Variants in PHKB observed in about 807,000 individuals in gnomAD.
PHKB encodes the protein phosphorylase kinase regulatory subunit beta.
PHKB carries 122 observed loss-of-function variants against 152.1 expected under a neutral mutation model. That is an observed-to-expected ratio of 0.80 (90% CI 0.69 to 0.93). The LOEUF (loss-of-function observed/expected upper bound fraction) is 0.93, where lower values mean the gene tolerates loss of function less well. PHKB is among the 40% of genes least tolerant of loss of function. PHKB has a pLI of 0.00. For synonymous variants in PHKB, 436 were observed against 464.9 expected (o/e 0.94, Z 0.80); for missense variants, 1,304 against 1,328.4 (o/e 0.98, Z 0.29).
intron 14 of PHKB, among the ~76,000 whole-genome samples, chr16:47,638,950 A>G (rs1342106413): frequency 6.6e-6 from 1 of 152,228 alleles, no homozygotes; most frequent in African/African-American, 2.4e-5. Context: ...TTAGGAAATT[A>G]ACAGAGAGAC....
rs142891808 is a variant in PHKB, at chr16:47,660,669, T to C, written c.2046T>C (p.Phe682=). 1.2e-6 allele frequency: 2 copies of C among 1,613,994 alleles called. No homozygotes were observed. Among genetic ancestry groups the C allele is most frequent in the Non-Finnish European group, 1.7e-6 (2 of 1,179,990 alleles). Residue 682 remains phenylalanine, a synonymous_variant, in exon 22 of 31, where the codon TTT becomes TTC. Transcript: ENST00000323584. ...RISDTEELPE[F]KSFEELEPPK... ...TTTTAATTTTTAGGCTTCCAGAATTTAAGAGTTTTGAGGAACTAGAACCTC... is the reference window on the plus strand; with the variant it reads ...TTTTAATTTTTAGGCTTCCAGAATTCAAGAGTTTTGAGGAACTAGAACCTC...
intron 7 of PHKB, among the ~76,000 whole-genome samples, chr16:47,563,567 T>C (rs1971512223): frequency 6.6e-6 from 1 of 152,216 alleles, no homozygotes. Flanking sequence ...AGATGTGCTG[T>C]CATTCAGACT....
At chr16:47,571,617 C>T (rs890174741) in intron 7 of PHKB, among the ~76,000 whole-genome samples, 5 of 152,162 alleles carry the variant, frequency 3.3e-5, no homozygotes, top group African/African-American at 1.2e-4. Context: ...CCTCCCAAGG[C>T]GATGCAGTCA....
intron 6 of PHKB, among the ~76,000 whole-genome samples, chr16:47,524,321 G>C (rs1455530888): frequency 6.6e-6 from 1 of 152,086 alleles, no homozygotes; most frequent in Non-Finnish European, 1.5e-5. Flanking sequence ...CTGCAGTTCA[G>C]TCATTTTATA....
At chr16:47,537,343 G>A (rs528161636) in intron 6 of PHKB, among the ~76,000 whole-genome samples, 39 of 152,332 alleles carry the variant, frequency 2.6e-4, no homozygotes, top group African/African-American at 9.1e-4. Flanking sequence ...GCTGAAGAAA[G>A]CAGAAACAGG....
intron 1 of PHKB, among the ~76,000 whole-genome samples, chr16:47,470,013 G>C (rs1302024117): frequency 6.6e-6 from 1 of 152,172 alleles, no homozygotes; most frequent in Non-Finnish European, 1.5e-5. Flanking sequence ...TCTTTATTGA[G>C]TACTTAATGT....
rs150962831 is a variant in PHKB at position 47,681,425 on chromosome 16, A to C, written c.2631-7616A>C. ...AGTCTAAGTCTCTTTGTAGGTCACT[A>C]AGGACTTGCTTTATGAAACTGGGTG... On this transcript the variant is annotated intron_variant, in intron 26 of 30. Coordinates refer to ENST00000323584, the MANE Select transcript of PHKB (RefSeq NM_000293.3). 3.4e-5 allele frequency among the ~76,000 whole-genome samples: 5 copies of C among 148,550 alleles called. 1 individual carries two copies. The highest frequency in any genetic ancestry group is 1.4e-4 in the Admixed American group (2 of 13,968).
At chr16:47,648,501 C>G (rs1350016395) in intron 16 of PHKB, 32 bp from the exon 17 acceptor site, 1 of 1,403,798 alleles carries the variant, frequency 7.1e-7, no homozygotes, top group Non-Finnish European at 1.0e-6. Flanking sequence ...GGATTCTTAC[C>G]TGACTCTAAT....
chr16:47,479,458 AT>A (rs1221626791), intron 1 of PHKB, among the ~76,000 whole-genome samples: 594 of 138,508 alleles, frequency 4.3e-3, no homozygotes, highest in Middle Eastern at 0.015. Flanking sequence ...CTTCTCTCTC[AT>A]TTTTTTTTTT....
chr16:47,580,783 C>T (rs1012445582), intron 8 of PHKB, among the ~76,000 whole-genome samples: 2 of 151,522 alleles, frequency 1.3e-5, no homozygotes, highest in East Asian at 1.9e-4. Flanking sequence ...TGTGTTTAGC[C>T]AGATAATTGG....
chr16:47,657,309 A>G (rs547489247), intron 20 of PHKB, among the ~76,000 whole-genome samples: 1 of 152,276 alleles, frequency 6.6e-6, no homozygotes, highest in East Asian at 1.9e-4. Context: ...GACTGTAGGC[A>G]CTAGGGATGT....
chr16:47,645,644 G>A (rs1382840327), intron 16 of PHKB, among the ~76,000 whole-genome samples: 1 of 151,676 alleles, frequency 6.6e-6, no homozygotes, highest in African/African-American at 2.4e-5. Context: ...AAGTCAGGTA[G>A]TGTGATGCCT....
chr16:47,499,880 G>A lies in PHKB; in HGVS notation c.291G>A (p.Leu97=), dbSNP rs1480561527. The change falls in exon 3 of 31, where the codon TTG becomes TTA. Residue 97 remains leucine, a synonymous_variant. Coordinates refer to ENST00000323584, the MANE Select transcript of PHKB (RefSeq NM_000293.3). ...SLYCAAGAWA[L]ALAYRRIDDD... ...ACTGCGCTGCTGGGGCCTGGGCTTT[G>A]GCTCTTGCATACAGGTGAGCTGGTG... is the stretch of plus-strand genomic sequence containing the variant. 1.9e-6 allele frequency: 3 copies of A among 1,614,018 alleles called. No individual in the cohort carries two copies. The highest frequency in any genetic ancestry group is 1.3e-5 in the African/African-American group (1 of 74,924).
chr16:47,509,936 G>A (rs543341385), intron 4 of PHKB, among the ~76,000 whole-genome samples: 66 of 152,194 alleles, frequency 4.3e-4, no homozygotes, highest in Non-Finnish European at 8.8e-4. Context: ...ATTGTAAGTA[G>A]TAGATCCCCA....
Position 47,663,751 on chromosome 16 carries a change from T to C in PHKB, c.2336+17T>C. On this transcript the variant is annotated intron_variant, in intron 24 of 30. Transcript: ENST00000323584. The stretch of plus-strand genomic sequence containing the variant: ...AAAACTTTGGTTTGTATTAGTGTCC[T>C]TGTTGTTATGTTTTATTTTTGTGTT... The C allele has an allele frequency of 1.4e-6, 2 of 1,414,304 alleles. No homozygotes were observed. The highest frequency in any genetic ancestry group is 2.0e-6 in the Non-Finnish European group (2 of 998,008). 87.6% of individuals were successfully genotyped at this position (1,414,304 alleles called of 1,614,324 possible).
chr16:47,627,341 G>C (rs1174125163), intron 14 of PHKB, among the ~76,000 whole-genome samples: 2 of 152,246 alleles, frequency 1.3e-5, no homozygotes, highest in Non-Finnish European at 2.9e-5. Flanking sequence ...CAGTATGCAA[G>C]ACTGTTAGCA....
Position 47,674,943 on chromosome 16 carries a change from G to A in PHKB, c.2630+5526G>A, listed in dbSNP as rs1235195933. Among the ~76,000 whole-genome samples the A allele has an allele frequency of 2.0e-5, 3 of 152,210 alleles. No homozygotes were observed. In the East Asian group the frequency reaches 5.8e-4, roughly 29 times the overall value. ...GATAACACCAATTTGAGAGTTACAA[G>A]TGGAAAGCCTTGAATTTTATTCCCA... On this transcript the variant is annotated intron_variant, in intron 26 of 30. Transcript: ENST00000323584.
At chr16:47,677,712 G>A (rs1435528844) in intron 26 of PHKB, among the ~76,000 whole-genome samples, 4 of 152,106 alleles carry the variant, frequency 2.6e-5, no homozygotes, top group East Asian at 1.9e-4. Context: ...TGAATTTGGA[G>A]GGGGAGAAAG....
chr16:47,680,551 T>C (rs1055037526), intron 26 of PHKB, among the ~76,000 whole-genome samples: 3 of 152,222 alleles, frequency 2.0e-5, no homozygotes, highest in African/African-American at 7.2e-5. Context: ...CTAGTTTATT[T>C]GCGTAGAGGT....
Sources: allele counts gnomAD v4.1 joint callset (sites outside exome capture counted in the v4.1 genomes callset), GRCh38; gene constraint gnomAD v4.1.1; transcripts MANE v1.5; gene names NCBI Gene and HGNC (gene_info 2026-07-23, HGNC 2026-07-21).